PCDH7: variants seen among roughly 807,000 people sequenced by gnomAD.
PCDH7 encodes the protein protocadherin 7.
A neutral mutation model predicts 58.9 loss-of-function variants in PCDH7; 17 were observed. That is an observed-to-expected ratio of 0.29 (90% confidence interval 0.20 to 0.43). The LOEUF (loss-of-function observed/expected upper bound fraction) is 0.43, where lower values mean the gene tolerates loss of function less well. Among genes scored for constraint, PCDH7 ranks in the 20% least tolerant of loss-of-function variants. The probability of loss-of-function intolerance (pLI) is 1.00; values close to 1 mark genes in which losing one functional copy is unlikely to be tolerated. For missense variants in PCDH7, 1,274 were observed against 1,441.0 expected (o/e 0.88, Z 1.88); for synonymous variants, 664 against 616.4 (o/e 1.08, Z -1.14).
At chr4:30,992,596 T>C (rs2109125698) in intron 3 of PCDH7, among the ~76,000 whole-genome samples, 1 of 152,250 alleles carries the variant, frequency 6.6e-6, no homozygotes, top group South Asian at 2.1e-4. Context: ...GTAGCCATGC[T>C]TAGGGAATAG....
intron 1 of PCDH7, among the ~76,000 whole-genome samples, chr4:30,858,677 G>A (rs921984741): frequency 6.6e-6 from 1 of 152,158 alleles, no homozygotes; most frequent in African/African-American, 2.4e-5. Context: ...TGGTAGGCAA[G>A]AGTAGCAAAA....
chr4:31,074,784 CAAAAAA>C (rs1157267696), intron 3 of PCDH7, among the ~76,000 whole-genome samples: 3 of 52,468 alleles, frequency 5.7e-5, no homozygotes, highest in Admixed American at 2.9e-4. Context: ...GATTCCGTCT[CAAAAAA>C]AAAAAAAAAA....
chr4:30,937,510 A>T (rs191411003), intron 2 of PCDH7, among the ~76,000 whole-genome samples: 1 of 152,102 alleles, frequency 6.6e-6, no homozygotes, highest in Non-Finnish European at 1.5e-5. Flanking sequence ...ATTGATCTAA[A>T]TTATTGAACT....
chr4:30,796,018 T>A (rs1442873287), intron 1 of PCDH7, among the ~76,000 whole-genome samples: 2 of 152,182 alleles, frequency 1.3e-5, no homozygotes, highest in African/African-American at 4.8e-5. Context: ...TATTCTCATC[T>A]CCATTTTCAT....
chr4:30,909,889 C>T (rs1178980516), intron 1 of PCDH7, among the ~76,000 whole-genome samples: 1 of 152,134 alleles, frequency 6.6e-6, no homozygotes, highest in Non-Finnish European at 1.5e-5. Context: ...GCCAAAAGAA[C>T]AAAGATGGAG....
At chr4:31,137,441 T>G (rs1290118106) in intron 3 of PCDH7, among the ~76,000 whole-genome samples, 1 of 151,968 alleles carries the variant, frequency 6.6e-6, no homozygotes, top group Non-Finnish European at 1.5e-5. Context: ...AAAATTAGCC[T>G]GGTTTGGTGG....
chr4:30,781,087 CT>C, intron 1 of PCDH7, among the ~76,000 whole-genome samples: 1 of 152,196 alleles, frequency 6.6e-6, no homozygotes, highest in Middle Eastern at 3.4e-3. Context: ...TTTGTATTTC[CT>C]TCCATGCCTC....
At chr4:31,131,568 A>C (rs1718991931) in intron 3 of PCDH7, among the ~76,000 whole-genome samples, 1 of 152,074 alleles carries the variant, frequency 6.6e-6, no homozygotes, top group Admixed American at 6.6e-5. Context: ...CCAGATCTTC[A>C]TCCCTTAACA....
intron 3 of PCDH7, among the ~76,000 whole-genome samples, chr4:31,057,625 G>T (rs1243437162): frequency 6.6e-6 from 1 of 152,012 alleles, no homozygotes; most frequent in African/African-American, 2.4e-5. Context: ...ATCAAGCTTA[G>T]GTATATCCCT....
chr4:30,985,427 C>A (rs932399161), intron 3 of PCDH7, among the ~76,000 whole-genome samples: 1 of 151,890 alleles, frequency 6.6e-6, no homozygotes, highest in African/African-American at 2.4e-5. Context: ...ATAGAACAGG[C>A]CTTGAGTTGA....
downstream of PCDH7, chr4:31,144,070 T>C (rs911279444): frequency 2.6e-5 from 4 of 152,222 alleles, no homozygotes; most frequent in African/African-American, 9.6e-5. Context: ...ATCCAGGCTA[T>C]GCTTGCTGCT....
chr4:31,018,377 A>G (rs192641366), intron 3 of PCDH7, among the ~76,000 whole-genome samples: 1 of 152,182 alleles, frequency 6.6e-6, no homozygotes, highest in Admixed American at 6.6e-5. Flanking sequence ...ATCTAAGACA[A>G]CATTCTTGAT....
chr4:30,778,073 A>G (rs1209202286), intron 1 of PCDH7, among the ~76,000 whole-genome samples: 1 of 152,124 alleles, frequency 6.6e-6, no homozygotes, highest in Non-Finnish European at 1.5e-5. Flanking sequence ...TTTCCAGTCC[A>G]AGATGCCAAA....
chr4:30,871,632 C>T (rs1735603180), intron 1 of PCDH7, among the ~76,000 whole-genome samples: 1 of 152,076 alleles, frequency 6.6e-6, no homozygotes, highest in Non-Finnish European at 1.5e-5. Context: ...AAATGAGTAA[C>T]TTAGTGCTAA....
chr4:30,933,943 A>G (rs888521851), intron 2 of PCDH7, among the ~76,000 whole-genome samples: 2 of 152,214 alleles, frequency 1.3e-5, no homozygotes, highest in Admixed American at 6.5e-5. Context: ...CTAACCATAC[A>G]TAATCTTTCA....
chr4:30,884,138 A>T (rs1282625808), intron 1 of PCDH7, among the ~76,000 whole-genome samples: 1 of 152,170 alleles, frequency 6.6e-6, no homozygotes, highest in Non-Finnish European at 1.5e-5. Flanking sequence ...TTGGGCACAT[A>T]ATGATAAAGT....
intron 3 of PCDH7, among the ~76,000 whole-genome samples, chr4:31,020,337 C>T (rs188017549): frequency 3.7e-4 from 56 of 152,276 alleles, no homozygotes; most frequent in South Asian, 1.0e-3. Context: ...GGTACAGGTA[C>T]GTGAGATTCT....
In PCDH7 at chr4:30,722,513, C is replaced by T; in HGVS notation, c.1091C>T (p.Ser364Phe). The stretch of plus-strand genomic sequence containing the variant: ...CGGCTGCTGCGCCTTGACGAGACGT[C>T]CGGCTGGCTCAGCGTCCTGCACCGG... Residue 364 changes from serine (S) to phenylalanine (F), a missense_variant, in exon 1 of 2, where the codon TCC (serine) becomes TTC (phenylalanine). By Grantham distance (155) the Ser-to-Phe change is radical. Around this residue, in one of 3 missense-constraint regions of PCDH7, gnomAD observed 331 missense variants for 303.2 expected, o/e 1.09. Transcript: ENST00000361762. This position sits in a 1 kb window ranked among gnomAD's most constrained non-coding sequence, Gnocchi z 7.6. 6.2e-7 allele frequency: 1 copy of T among 1,610,222 alleles called. No individual in the cohort carries two copies. Among genetic ancestry groups the T allele is most frequent in the Non-Finnish European group, 8.5e-7 (1 of 1,178,794 alleles).
At chr4:31,117,106 T>C (rs1377091839) in intron 3 of PCDH7, among the ~76,000 whole-genome samples, 1 of 152,220 alleles carries the variant, frequency 6.6e-6, no homozygotes, top group Admixed American at 6.5e-5. Context: ...CAGGCTGAAC[T>C]CCTGACCTCA....
Sources: gnomAD v4.1 joint callset for allele counts (sites outside exome capture counted in the v4.1 genomes callset) on GRCh38, gnomAD v4.1.1 for gene constraint, gnomAD v4.1.1 regional missense constraint, Gnocchi (gnomAD v3.1) non-coding constraint, MANE v1.5 for transcripts, NCBI Gene and HGNC (gene_info 2026-07-23, HGNC 2026-07-21) for gene names.